The following STAT5B variants were observed in gnomAD, a reference collection of about 807,000 sequenced individuals.
STAT5B encodes the protein signal transducer and activator of transcription 5B.
Under a neutral mutation model 107.8 loss-of-function variants are expected in STAT5B, and 21 were observed. That is an observed-to-expected ratio of 0.19 (90% confidence interval 0.14 to 0.28). The LOEUF (loss-of-function observed/expected upper bound fraction) is 0.28. Ranked by LOEUF, STAT5B falls within the 10% of genes least tolerant of loss-of-function variation. STAT5B has a pLI of 1.00. For synonymous variants in STAT5B, 325 were observed against 401.7 expected, an observed-to-expected ratio of 0.81 and a Z score of 2.28; for missense variants, 565 against 1,008.2, an observed-to-expected ratio of 0.56 and a Z score of 5.95.
chr17:42,242,902 T>G (rs1050563963), intron 1 of STAT5B, among the ~76,000 whole-genome samples: 3 of 152,100 alleles, frequency 2.0e-5, no homozygotes, highest in African/African-American at 7.2e-5. Context: ...AAGATGTGCT[T>G]TGTTAAACAG....
Position 42,210,426 on chromosome 17 carries a change from A to T in STAT5B, c.1752T>A (p.His584Gln). 1 of 1,614,176 alleles carries T rather than the reference A, an allele frequency of 6.2e-7. No individual in the cohort carries two copies. Among genetic ancestry groups the T allele is most frequent in the Non-Finnish European group, 8.5e-7 (1 of 1,180,034 alleles). Residue 584 changes from histidine (H) to glutamine (Q), a missense_variant, in exon 14 of 19, where the codon CAT becomes CAA. Coordinates refer to ENST00000293328, the MANE Select transcript of STAT5B (RefSeq NM_012448.4). Reference protein sequence around the residue: ...FDGVMEVLKKHLKPHWNDGAI... With the variant: ...FDGVMEVLKKQLKPHWNDGAI... The stretch of plus-strand genomic sequence containing the variant: ...ACCCATCATTCCAATGAGGCTTGAG[A>T]TGTTTTTTTAACACTTCCATCACAC...
At chr17:42,219,650 C>T (rs2080206635) in intron 6 of STAT5B, 62 bp downstream of exon 6, 66 of 1,536,848 alleles carry the variant, frequency 4.3e-5, no homozygotes, top group East Asian at 3.1e-4. Context: ...AGCCCTCCCT[C>T]GGGTCCCCAG....
chr17:42,277,823 T>C (rs1185571053), upstream of STAT5B, among the ~76,000 whole-genome samples: 1 of 151,414 alleles, frequency 6.6e-6, no homozygotes, highest in Non-Finnish European at 1.5e-5. Context: ...TGGTGCGGTC[T>C]CAGCTCACGG....
intron 1 of STAT5B, among the ~76,000 whole-genome samples, chr17:42,265,815 T>G (rs1443244535): frequency 6.6e-6 from 1 of 152,204 alleles, no homozygotes; most frequent in African/African-American, 2.4e-5. Context: ...ATCTGTTAAC[T>G]GAAAAAACTT....
chr17:42,220,732 T>C (rs2080218464), intron 5 of STAT5B, among the ~76,000 whole-genome samples: 1 of 152,002 alleles, frequency 6.6e-6, no homozygotes, highest in Non-Finnish European at 1.5e-5. Flanking sequence ...CTCCACACCA[T>C]CTGTGAGGAG....
chr17:42,217,111 CCACACACACACA>C, intron 11 of STAT5B, 37 bp downstream of exon 11: 2 of 1,564,356 alleles, frequency 1.3e-6, no homozygotes, highest in Non-Finnish European at 1.7e-6. Context: ...ATAAAGTACA[CCACACACACACA>C]CGCACACGCA....
At chr17:42,285,217 G>A in the STAT5B span, among the ~76,000 whole-genome samples, 1 of 151,946 alleles carries the variant, frequency 6.6e-6, no homozygotes, top group East Asian at 1.9e-4. Flanking sequence ...AGCCTCCCGA[G>A]TAGCTGGGAT....
Position 42,201,459 on chromosome 17 carries a change from T to C in STAT5B, c.*279A>G. ...TAAAAACCACCACAGCTTCTGTCTGTGGCCCCTCTGCTACAACTAAACTCT... is the reference window on the plus strand; with the variant it reads ...TAAAAACCACCACAGCTTCTGTCTGCGGCCCCTCTGCTACAACTAAACTCT... On this transcript the variant is annotated 3_prime_UTR_variant, in exon 19 of 19. Coordinates refer to ENST00000293328, the MANE Select transcript of STAT5B (RefSeq NM_012448.4). 1 of 606,506 alleles carries C rather than the reference T, an allele frequency of 1.6e-6. No individual in the cohort carries two copies. Among genetic ancestry groups the C allele is most frequent in the Non-Finnish European group, 3.0e-6 (1 of 338,942 alleles). The allele number at this position is 606,506 out of a possible 1,614,324, so 37.6% of individuals were successfully genotyped here. A position where few individuals can be genotyped will look rare whatever the true frequency, so the allele number is the denominator to read the frequency against.
chr17:42,287,645 G>A, the STAT5B span: 1 of 152,508 alleles, frequency 6.6e-6, no homozygotes, highest in South Asian at 2.1e-4. Flanking sequence ...GGTAGAACCA[G>A]CCTCATAAGT....
intron 2 of STAT5B, among the ~76,000 whole-genome samples, chr17:42,229,493 C>A (rs923577952): frequency 2.0e-5 from 3 of 151,404 alleles, no homozygotes. Context: ...GCAAAACTCA[C>A]AGAAGTCAGG....
At chr17:42,223,746 AG>A (rs1432385220) in intron 4 of STAT5B, among the ~76,000 whole-genome samples, 190 bp from the exon 5 acceptor site, 4 of 152,200 alleles carry the variant, frequency 2.6e-5, no homozygotes, top group Non-Finnish European at 5.9e-5. Flanking sequence ...GTGAGCGGAC[AG>A]ATCATGGCTC....
At chr17:42,209,003 G>A (rs2080107730) in intron 15 of STAT5B, among the ~76,000 whole-genome samples, 3 of 150,414 alleles carry the variant, frequency 2.0e-5, no homozygotes. Context: ...AAAGTGCTGG[G>A]ATTACAGGCG....
At chr17:42,224,336 ATCT>A (rs985117636) in intron 4 of STAT5B, among the ~76,000 whole-genome samples, 1 of 150,822 alleles carries the variant, frequency 6.6e-6, no homozygotes, top group African/African-American at 2.4e-5. Flanking sequence ...CAGAGACCAC[ATCT>A]TCTATTTCAT....
intron 1 of STAT5B, among the ~76,000 whole-genome samples, chr17:42,241,898 T>C (rs1484510371): frequency 6.6e-6 from 1 of 152,168 alleles, no homozygotes; most frequent in Non-Finnish European, 1.5e-5. Flanking sequence ...ATTTTTTTTT[T>C]CTAAATACTA....
In STAT5B at chr17:42,211,850, T is replaced by C; in HGVS notation, c.1680+134A>G. On this transcript the variant is annotated intron_variant, in intron 13 of 18. Coordinates refer to ENST00000293328, the MANE Select transcript of STAT5B (RefSeq NM_012448.4). ...CTGGGTAACTCTCAAGTTGTCCATC[T>C]AGTCAGAAGCTTCTATTACTTTCGG... The C allele has an allele frequency of 2.2e-6, 3 of 1,355,234 alleles. No individual in the cohort carries two copies. In the South Asian group the frequency reaches 3.9e-5, roughly 18 times the overall value. 84.0% of individuals were successfully genotyped at this position (1,355,234 alleles called of 1,614,324 possible).
At chr17:42,237,701 C>G (rs2080367586) in intron 1 of STAT5B, among the ~76,000 whole-genome samples, 1 of 152,078 alleles carries the variant, frequency 6.6e-6, no homozygotes, top group Non-Finnish European at 1.5e-5. Flanking sequence ...CATCCTACCC[C>G]CCATCCCAGG....
rs1567662228 is a variant in STAT5B, at chr17:42,223,677, G to A, written c.376-121C>T. 25 of 1,245,768 alleles carry A rather than the reference G, an allele frequency of 2.0e-5. No homozygotes were observed. The Middle Eastern group carries it at 5.9e-4, about 29-fold the overall frequency. The allele number at this position is 1,245,768 out of a possible 1,614,324, so 77.2% of individuals were successfully genotyped here. A position where few individuals can be genotyped will look rare whatever the true frequency, so the allele number is the denominator to read the frequency against. On this transcript the variant is annotated intron_variant, in intron 4 of 18. Coordinates refer to ENST00000293328, the MANE Select transcript of STAT5B (RefSeq NM_012448.4). Reference sequence around the variant, plus strand: ...GACCCCAAAAGGTAAATTTTGAGTCGGGAGGAAAAGCAAACGTCATCATGA... The same window carrying A: ...GACCCCAAAAGGTAAATTTTGAGTCAGGAGGAAAAGCAAACGTCATCATGA...
At chr17:42,218,063 G>A in intron 9 of STAT5B, 88 bp downstream of exon 9, 3 of 1,552,270 alleles carry the variant, frequency 1.9e-6, no homozygotes, top group Non-Finnish European at 2.6e-6. Flanking sequence ...GGGCAAACAG[G>A]GATCTGACAC....
At chr17:42,264,181 C>T (rs1409892881) in intron 1 of STAT5B, among the ~76,000 whole-genome samples, 1 of 151,812 alleles carries the variant, frequency 6.6e-6, no homozygotes, top group Non-Finnish European at 1.5e-5. Flanking sequence ...TTAAGTAACA[C>T]TCCTTTTGTA....
Sources: allele counts gnomAD v4.1 joint callset (sites outside exome capture counted in the v4.1 genomes callset), GRCh38; gene constraint gnomAD v4.1.1; transcripts MANE v1.5; gene names NCBI Gene and HGNC (gene_info 2026-07-23, HGNC 2026-07-21).